KBTBD8: variants seen among roughly 807,000 people sequenced by gnomAD.
KBTBD8 encodes the protein kelch repeat and BTB domain-containing protein 8.
KBTBD8 carries 31 observed loss-of-function variants against 53.5 expected under a neutral mutation model. The observed-to-expected ratio is 0.58, with a 90% CI of 0.44 to 0.78. The LOEUF (loss-of-function observed/expected upper bound fraction) is 0.78. Among genes scored for constraint, KBTBD8 ranks in the 30% least tolerant of loss-of-function variants. The pLI is 0.00. For synonymous variants in KBTBD8, 250 were observed against 247.3 expected (o/e 1.01, Z -0.10); for missense variants, 642 against 735.8 (o/e 0.87, Z 1.48).
Position 67,008,114 on chromosome 3 carries a change from AG to A in KBTBD8, c.1536del (p.Asp514ThrfsTer8). ...ATTGAGCTAAATAAATGGACTCGTAAGAAAGACTTTCCATGTGATCAGTCCA... is the reference window on the plus strand; with the variant it reads ...ATTGAGCTAAATAAATGGACTCGTAAAAAGACTTTCCATGTGATCAGTCCA... ...YDIELNKWTR[K>X]KDFPCDQSIN... On this transcript the variant is annotated frameshift_variant, in exon 4 of 4. Coordinates refer to ENST00000417314, the MANE Select transcript of KBTBD8 (RefSeq NM_032505.3). LOFTEE classifies it high-confidence loss of function. 1 of 1,614,134 alleles carries A rather than the reference AG, an allele frequency of 6.2e-7. No individual in the cohort carries two copies. Among genetic ancestry groups the A allele is most frequent in the Non-Finnish European group, 8.5e-7 (1 of 1,180,006 alleles).
At chr3:67,006,987 A>G (rs1045649226) in intron 3 of KBTBD8, among the ~76,000 whole-genome samples, 1 of 152,246 alleles carries the variant, frequency 6.6e-6, no homozygotes, top group Non-Finnish European at 1.5e-5. Flanking sequence ...TCAAATCAAA[A>G]TAGAAACTGA....
At position 67,004,175 on chromosome 3, in the gene KBTBD8, A is replaced by G; in HGVS notation, c.1208A>G (p.Asp403Gly). The G allele has an allele frequency of 1.2e-6, 2 of 1,614,198 alleles. No individual in the cohort carries two copies. Among genetic ancestry groups the G allele is most frequent in the South Asian group, 2.2e-5 (2 of 91,082 alleles). Residue 403 changes from aspartate (D) to glycine (G), a missense_variant, in exon 3 of 4, where the codon GAT (aspartate) becomes GGT (glycine). Physicochemically the swap from Asp to Gly is moderately conservative, Grantham distance 94. Transcript: ENST00000417314. ...YAIGGRVYEG[D>G]GRNSLKSVEC... ...ATCGGAGGTCGTGTTTATGAAGGTG[A>G]TGGGAGAAACTCACTAAAATCTGTT...
intron 1 of KBTBD8, 59 bp downstream of exon 1, chr3:66,998,430 G>C: frequency 8.4e-7 from 1 of 1,191,284 alleles, no homozygotes; most frequent in Non-Finnish European, 1.1e-6. Context: ...GTGGGCCGGG[G>C]CCGGCCACAG....
At chr3:67,000,199 A>C (rs966834597) in intron 2 of KBTBD8, among the ~76,000 whole-genome samples, 2 of 152,200 alleles carry the variant, frequency 1.3e-5, no homozygotes, top group African/African-American at 4.8e-5. Context: ...AAATATAGTC[A>C]CTTCAGTCTG....
rs907788138 is a variant in KBTBD8 at position 67,010,880 on chromosome 3, C to A, written c.*2495C>A. The A allele has an allele frequency of 1.3e-5, 2 of 152,558 alleles. No homozygotes were observed. The highest frequency in any genetic ancestry group is 4.8e-5 in the African/African-American group (2 of 41,418). 9.5% of individuals were successfully genotyped at this position (152,558 alleles called of 1,614,324 possible). On this transcript the variant is annotated 3_prime_UTR_variant, in exon 4 of 4. Coordinates refer to ENST00000417314, the MANE Select transcript of KBTBD8 (RefSeq NM_032505.3). ...CTATATATTTGTCACACATTGAAAA[C>A]TGGACTGGGTATAACTATGTTATAG...
rs144672984 is a variant in KBTBD8, at chr3:66,998,600, A to T, written c.16+229A>T. 9.2e-3 allele frequency among the ~76,000 whole-genome samples: 1,399 copies of T among 152,080 alleles called. 12 individuals carry two copies. The highest frequency in any genetic ancestry group is 0.024 in the Middle Eastern group (7 of 292). The stretch of plus-strand genomic sequence containing the variant: ...CCGCCGGCGCTGCGCCCCAGGAGGC[A>T]GCGGGAGGCGGCTTGAGGGGGCACC... On this transcript the variant is annotated intron_variant, in intron 1 of 3. Coordinates refer to ENST00000417314, the MANE Select transcript of KBTBD8 (RefSeq NM_032505.3).
rs1575580426 is a variant in KBTBD8 at position 67,006,304 on chromosome 3, A to G, written c.1343-1618A>G. 2.0e-5 allele frequency among the ~76,000 whole-genome samples: 3 copies of G among 152,212 alleles called. No homozygotes were observed. In the East Asian group the frequency reaches 5.8e-4, roughly 29 times the overall value. ...AATGCAAATACTAAAGCAAACTAGC[A>G]ATGAATTAATAGAATTTCAGGGCTG... On this transcript the variant is annotated intron_variant, in intron 3 of 3. Transcript: ENST00000417314.
At position 67,008,884 on chromosome 3, in the gene KBTBD8, T is replaced by G. The variant is rs991944143; in HGVS notation, c.*499T>G. ...TATGTATCTATTTTTGTGTACTGTT[T>G]TCAAGTGTACTGAGATTTAAATGTG... On this transcript the variant is annotated 3_prime_UTR_variant, in exon 4 of 4. Coordinates refer to ENST00000417314, the MANE Select transcript of KBTBD8 (RefSeq NM_032505.3). The G allele has an allele frequency of 6.5e-6, 1 of 154,376 alleles. No homozygotes were observed. The highest frequency in any genetic ancestry group is 1.4e-5 in the Non-Finnish European group (1 of 69,142). The allele number at this position is 154,376 out of a possible 1,614,324, so 9.6% of individuals were successfully genotyped here.
chr3:67,003,505 C>G lies in KBTBD8; in HGVS notation c.538C>G (p.Leu180Val), dbSNP rs775649575. 1.2e-5 allele frequency: 19 copies of G among 1,613,906 alleles called. No homozygotes were observed. The highest frequency in any genetic ancestry group is 1.4e-5 in the Non-Finnish European group (17 of 1,179,962). ...AAAAGAATACATTCGTAAAAAGTTT[C>G]TGTGTGTCACCAAAGAACAAGAGTT... is the stretch of plus-strand genomic sequence containing the variant. ...RSKEYIRKKFLCVTKEQEFLQ... is the reference protein window; with the variant it reads ...RSKEYIRKKFVCVTKEQEFLQ... Residue 180 changes from leucine to valine, a missense_variant, in exon 3 of 4, where the codon CTG becomes GTG. Leu to Val is a conservative substitution (Grantham distance 32, BLOSUM62 1). Coordinates refer to ENST00000417314, the MANE Select transcript of KBTBD8 (RefSeq NM_032505.3).
At chr3:67,007,859 A>C (rs1702081674) in intron 3 of KBTBD8, 63 bp from the exon 4 acceptor site, 4 of 936,220 alleles carry the variant, frequency 4.3e-6, no homozygotes, top group Non-Finnish European at 6.3e-6. Context: ...TGTAGTTACA[A>C]CATATAACCA....
chr3:67,004,555 C>T (rs935683434), intron 3 of KBTBD8, among the ~76,000 whole-genome samples: 70 of 152,154 alleles, frequency 4.6e-4, no homozygotes, highest in African/African-American at 1.6e-3. Context: ...GTCTTGATAT[C>T]ATGTAGAATA....
chr3:66,999,623 C>T (rs1701998778), intron 2 of KBTBD8, among the ~76,000 whole-genome samples: 1 of 152,234 alleles, frequency 6.6e-6, no homozygotes, highest in African/African-American at 2.4e-5. Context: ...ACAGCATTTT[C>T]ATCATTGACA....
chr3:67,005,793 A>G (rs1158495649), intron 3 of KBTBD8, among the ~76,000 whole-genome samples: 1 of 151,674 alleles, frequency 6.6e-6, no homozygotes, highest in East Asian at 1.9e-4. Flanking sequence ...CTTCCACCTC[A>G]GTCTCAGGCA....
rs1465577251 is a variant in KBTBD8, at chr3:67,008,226, C to T, written c.1647C>T (p.Val549=). ...RATQVTVEEH[V]FRTSRKNSLY... is the part of the protein sequence containing the mutation. The stretch of plus-strand genomic sequence containing the variant: ...CTCAAGTGACTGTTGAAGAACACGT[C>T]TTCAGAACCAGCAGAAAAAATTCCC... Residue 549 remains valine, a synonymous_variant, in exon 4 of 4, where the codon GTC becomes GTT. Coordinates refer to ENST00000417314, the MANE Select transcript of KBTBD8 (RefSeq NM_032505.3). 3 of 1,614,122 alleles carry T rather than the reference C, an allele frequency of 1.9e-6. No individual in the cohort carries two copies. The highest frequency in any genetic ancestry group is 4.5e-5 in the East Asian group (2 of 44,890).
At position 66,999,129 on chromosome 3, in the gene KBTBD8, G is replaced by C. The variant is rs1483724888; in HGVS notation, c.165G>C (p.Val55=). The part of the protein sequence containing the change: ...EGQLTDIVVE[V]DHGKTFSCHR... ...AGTTGACAGACATTGTAGTGGAAGTGGATCACGGGAAAACATTTTCCTGTC... is the reference window on the plus strand; with the variant it reads ...AGTTGACAGACATTGTAGTGGAAGTCGATCACGGGAAAACATTTTCCTGTC... The change falls in exon 2 of 4, where the codon GTG becomes GTC. Residue 55 remains valine (V), a synonymous_variant. Transcript: ENST00000417314. 7 of 1,614,092 alleles carry C rather than the reference G, an allele frequency of 4.3e-6. No homozygotes were observed. Among genetic ancestry groups the C allele is most frequent in the Non-Finnish European group, 5.9e-6 (7 of 1,180,040 alleles).
At chr3:67,005,745 G>C (rs1575580275) in intron 3 of KBTBD8, among the ~76,000 whole-genome samples, 1 of 149,910 alleles carries the variant, frequency 6.7e-6, no homozygotes, top group African/African-American at 2.5e-5. Context: ...GCATGATCTT[G>C]GCTGACTTCA....
At chr3:66,999,261 T>G in intron 2 of KBTBD8, 70 bp downstream of exon 2, 1 of 1,194,098 alleles carries the variant, frequency 8.4e-7, no homozygotes, top group South Asian at 1.2e-5. Context: ...ATTGTCCACT[T>G]GATGTTTATA....
chr3:66,999,235 C>T (rs770440089), intron 2 of KBTBD8, 44 bp downstream of exon 2: 43 of 1,416,448 alleles, frequency 3.0e-5, no homozygotes, highest in Non-Finnish European at 4.1e-5. Context: ...GCACCAAGCT[C>T]CCTTTCCCCC....
intron 2 of KBTBD8, among the ~76,000 whole-genome samples, chr3:67,002,616 C>T (rs1702027487): frequency 6.7e-6 from 1 of 149,086 alleles, no homozygotes; most frequent in Non-Finnish European, 1.5e-5. Context: ...GATTCTCCTG[C>T]CTCAGCCTCC....
Sources: gnomAD v4.1 joint callset for allele counts (sites outside exome capture counted in the v4.1 genomes callset) on GRCh38, gnomAD v4.1.1 for gene constraint, MANE v1.5 for transcripts, NCBI Gene and HGNC (gene_info 2026-07-23, HGNC 2026-07-21) for gene names.